Variants in TTC6 observed in about 807,000 individuals in gnomAD.
TTC6 encodes tetratricopeptide repeat protein 6.
In TTC6, 172 loss-of-function variants were observed where a neutral mutation model predicts 210.4. That is an observed-to-expected ratio of 0.82 (90% CI 0.72 to 0.93). The LOEUF (loss-of-function observed/expected upper bound fraction) is 0.93, where lower values mean the gene tolerates loss of function less well. TTC6 is among the 40% of genes least tolerant of loss of function. The pLI, the probability that TTC6 is intolerant of heterozygous loss-of-function variation, is 0.00. For synonymous variants in TTC6, 804 were observed against 819.6 expected (o/e 0.98, Z 0.32); for missense variants, 2,414 against 2,318.1 (o/e 1.04, Z -0.85).
intron 14 of TTC6, among the ~76,000 whole-genome samples, chr14:37,780,043 T>A (rs1223809381): frequency 6.6e-6 from 1 of 151,964 alleles, no homozygotes; most frequent in East Asian, 1.9e-4. Flanking sequence ...CAAAAGCGAG[T>A]CTGTTTGAAT....
chr14:37,821,153 T>C (rs971819169), intron 26 of TTC6, among the ~76,000 whole-genome samples: 1 of 151,746 alleles, frequency 6.6e-6, no homozygotes. Context: ...CTGCAACCTT[T>C]GCCTCCTGGG....
chr14:37,649,904 G>A (rs2095708120), intron 1 of TTC6, among the ~76,000 whole-genome samples: 1 of 152,200 alleles, frequency 6.6e-6, no homozygotes, highest in Non-Finnish European at 1.5e-5. Context: ...CCCTTATGGA[G>A]TTTAGGTCCT....
Position 37,753,142 on chromosome 14 carries a change from G to A in TTC6, c.3173G>A (p.Arg1058His), listed in dbSNP as rs568671008. Residue 1058 changes from arginine to histidine, a missense_variant, in exon 14 of 31, where the codon CGT (arginine) becomes CAT (histidine). Physicochemically the swap from Arg to His is conservative, Grantham distance 29. Transcript: ENST00000553443. ...AAAAGAACAGATGCATTATTGAAACGTGGGCTGTTTTATTGTGAAAATGAA... is the reference window on the plus strand; with the variant it reads ...AAAAGAACAGATGCATTATTGAAACATGGGCTGTTTTATTGTGAAAATGAA... 213 of 1,534,740 alleles carry A rather than the reference G, an allele frequency of 1.4e-4. 3 individuals are homozygous for A. In the South Asian group the frequency reaches 2.3e-3, roughly 16 times the overall value.
At chr14:37,799,757 C>G (rs950038240) in intron 20 of TTC6, among the ~76,000 whole-genome samples, 19 of 152,024 alleles carry the variant, frequency 1.2e-4, no homozygotes, top group Non-Finnish European at 4.4e-5. Context: ...CTCAGTCATG[C>G]AGCCATAAGG....
chr14:37,739,864 T>C (rs980596853), intron 10 of TTC6, among the ~76,000 whole-genome samples: 2 of 152,134 alleles, frequency 1.3e-5, no homozygotes, highest in African/African-American at 4.8e-5. Context: ...AATTGAGTTA[T>C]AAATCTAGAT....
At chr14:37,688,918 C>T (rs2095798639) in intron 3 of TTC6, among the ~76,000 whole-genome samples, 1 of 152,048 alleles carries the variant, frequency 6.6e-6, no homozygotes, top group Non-Finnish European at 1.5e-5. Context: ...CAGATATCTA[C>T]AAGTATCACA....
intron 30 of TTC6, 119 bp downstream of exon 32, chr14:37,841,789 T>G (rs1429963415): frequency 1.2e-6 from 1 of 837,636 alleles, no homozygotes; most frequent in African/African-American, 1.8e-5. Flanking sequence ...AGAATTAGTG[T>G]TTTTAGATAT....
At chr14:37,754,775 A>G (rs968922273) in intron 14 of TTC6, among the ~76,000 whole-genome samples, 3 of 152,080 alleles carry the variant, frequency 2.0e-5, no homozygotes, top group African/African-American at 4.8e-5. Flanking sequence ...TCCATGGTGT[A>G]TATGTGCCAC....
At chr14:37,796,245 G>C (rs746957181) in intron 18 of TTC6, 49 bp from the exon 21 acceptor site, 1 of 822,668 alleles carries the variant, frequency 1.2e-6, no homozygotes, top group Admixed American at 2.8e-5. Context: ...CTTTATTTTA[G>C]AAAGTTAATT....
intron 2 of TTC6, among the ~76,000 whole-genome samples, chr14:37,609,798 A>C (rs1324682696): frequency 2.6e-5 from 4 of 152,170 alleles, no homozygotes; most frequent in Non-Finnish European, 5.9e-5. Context: ...CTTCACAAGC[A>C]CTTTGGCTAT....
intron 13 of TTC6, among the ~76,000 whole-genome samples, 198 bp from the exon 16 acceptor site, chr14:37,752,901 T>A (rs894062135): frequency 2.0e-5 from 3 of 151,944 alleles, no homozygotes; most frequent in Non-Finnish European, 4.4e-5. Flanking sequence ...TAAAAAATAC[T>A]CCCTCTCTAG....
intron 29 of TTC6, among the ~76,000 whole-genome samples, chr14:37,830,708 C>G (rs1000889863): frequency 6.6e-6 from 1 of 150,750 alleles, no homozygotes; most frequent in African/African-American, 2.4e-5. Flanking sequence ...TTCATTTTTT[C>G]TTGATGGCAA....
intron 7 of TTC6, among the ~76,000 whole-genome samples, chr14:37,725,506 A>AC (rs2095871389): frequency 6.6e-6 from 1 of 150,580 alleles, no homozygotes; most frequent in African/African-American, 2.4e-5. Flanking sequence ...ATGTGCCACC[A>AC]CACCTGGCTA....
chr14:37,622,754 C>T lies in TTC6; in HGVS notation c.690C>T (p.Phe230=), dbSNP rs763092362. 6 of 1,535,048 alleles carry T rather than the reference C, an allele frequency of 3.9e-6. 1 individual carries two copies. The East Asian group carries it at 9.8e-5, about 25-fold the overall frequency. The change falls in exon 1 of 31, where the codon TTC becomes TTT. Residue 230 remains phenylalanine, a synonymous_variant. Transcript: ENST00000553443. ...GGAAAGTGAGGATCCGCAGCAACTT[C>T]GTGAGCGAGAGCGGGGCCCGCGAGG...
intron 14 of TTC6, among the ~76,000 whole-genome samples, chr14:37,768,603 G>A (rs1189584487): frequency 6.6e-6 from 1 of 151,604 alleles, no homozygotes; most frequent in Non-Finnish European, 1.5e-5. Context: ...CTCTCTGTTT[G>A]TCTGTTGTTG....
chr14:37,838,857 T>C (rs552520814), intron 29 of TTC6, among the ~76,000 whole-genome samples: 6 of 152,264 alleles, frequency 3.9e-5, no homozygotes, highest in Admixed American at 3.9e-4. Context: ...CCTGTGTCCA[T>C]GTATTCTCAT....
chr14:37,788,103 A>G (rs1258742443), intron 15 of TTC6, among the ~76,000 whole-genome samples: 1 of 152,138 alleles, frequency 6.6e-6, no homozygotes, highest in Non-Finnish European at 1.5e-5. Context: ...TGTCAAATTC[A>G]GAGTTTTTAA....
intron 7 of TTC6, among the ~76,000 whole-genome samples, chr14:37,732,642 G>C (rs1464451859): frequency 1.3e-5 from 2 of 150,682 alleles, no homozygotes; most frequent in Non-Finnish European, 3.0e-5. Context: ...TTTTTGAGAC[G>C]GAGTCTTGCT....
At chr14:37,607,001 G>T (rs768094151) in intron 2 of TTC6, among the ~76,000 whole-genome samples, 26 of 152,170 alleles carry the variant, frequency 1.7e-4, no homozygotes, top group Non-Finnish European at 3.5e-4. Flanking sequence ...ATAAAATATT[G>T]ATAGTATCAA....
Sources: allele counts gnomAD v4.1 joint callset (sites outside exome capture counted in the v4.1 genomes callset), GRCh38; gene constraint gnomAD v4.1.1; transcripts MANE v1.5; gene names NCBI Gene and HGNC (gene_info 2026-07-23, HGNC 2026-07-21).